Variants in BICC1 observed in about 807,000 individuals in gnomAD.
BICC1 encodes BicC family RNA binding protein 1.
Under a neutral mutation model 111.0 loss-of-function variants are expected in BICC1, and 43 were observed. The ratio of observed to expected loss-of-function variants is 0.39; its 90% CI spans 0.30 to 0.50. BICC1 has a LOEUF of 0.50. BICC1 is among the 20% of genes least tolerant of loss of function. BICC1 has a pLI of 0.88. For missense variants in BICC1, 1,091 were observed against 1,203.2 expected (o/e 0.91, Z 1.38); for synonymous variants, 467 against 434.4 (o/e 1.07, Z -0.93).
At chr10:58,814,043 T>C (rs776774969) in intron 18 of BICC1, 57 bp downstream of exon 18, 1 of 1,597,138 alleles carries the variant, frequency 6.3e-7, no homozygotes, top group East Asian at 2.2e-5. Flanking sequence ...ATGTGTTTAT[T>C]TGGGTTGGAG....
intron 2 of BICC1, among the ~76,000 whole-genome samples, chr10:58,654,329 C>A (rs1046141734): frequency 1.3e-5 from 1 of 79,270 alleles, no homozygotes; most frequent in African/African-American, 4.8e-5. Flanking sequence ...TTCTCCACAT[C>A]CTCTCCAGCA....
intron 2 of BICC1, among the ~76,000 whole-genome samples, chr10:58,698,166 C>T (rs980252346): frequency 6.6e-6 from 1 of 152,102 alleles, no homozygotes; most frequent in African/African-American, 2.4e-5. Context: ...TAGGGAGTGT[C>T]AGTTAAGCAC....
At chr10:58,553,906 T>G (rs1280897372) in intron 1 of BICC1, among the ~76,000 whole-genome samples, 2 of 152,070 alleles carry the variant, frequency 1.3e-5, no homozygotes, top group Admixed American at 1.3e-4. Context: ...ACTCTTCATG[T>G]GTTAAGAGTC....
intron 2 of BICC1, among the ~76,000 whole-genome samples, chr10:58,649,128 A>G (rs771854457): frequency 1.1e-4 from 17 of 152,224 alleles, no homozygotes; most frequent in Non-Finnish European, 2.4e-4. Context: ...GGAAATGGGT[A>G]GGCCCCATAA....
At chr10:58,543,902 A>G (rs867737181) in intron 1 of BICC1, among the ~76,000 whole-genome samples, 2 of 151,274 alleles carry the variant, frequency 1.3e-5, no homozygotes, top group Non-Finnish European at 1.5e-5. Context: ...AATTTGCCTT[A>G]GGTAAACCTT....
At chr10:58,786,226 C>T (rs1469788989) in intron 4 of BICC1, among the ~76,000 whole-genome samples, 1 of 152,042 alleles carries the variant, frequency 6.6e-6, no homozygotes, top group Non-Finnish European at 1.5e-5. Context: ...GCACTAAATT[C>T]CTCAAATATA....
At chr10:58,681,708 G>A (rs1413651538) in intron 2 of BICC1, among the ~76,000 whole-genome samples, 3 of 151,970 alleles carry the variant, frequency 2.0e-5, no homozygotes, top group South Asian at 2.1e-4. Flanking sequence ...GTGGACCCTC[G>A]CGGTGAGTGT....
At chr10:58,670,845 CCATACT>C (rs1839161857) in intron 2 of BICC1, among the ~76,000 whole-genome samples, 1 of 152,052 alleles carries the variant, frequency 6.6e-6, no homozygotes, top group Admixed American at 6.6e-5. Context: ...TACAATGTAA[CCATACT>C]CATTAATAAA....
intron 2 of BICC1, among the ~76,000 whole-genome samples, chr10:58,681,629 T>A (rs1029733750): frequency 6.6e-6 from 1 of 152,176 alleles, no homozygotes; most frequent in African/African-American, 2.4e-5. Flanking sequence ...AAATACCATT[T>A]GACTCAGTGT....
At chr10:58,525,040 G>A (rs917326463) in intron 1 of BICC1, among the ~76,000 whole-genome samples, 35 of 147,786 alleles carry the variant, frequency 2.4e-4, no homozygotes, top group African/African-American at 6.9e-4. Flanking sequence ...TAGAATGGCA[G>A]TCATTAAAAA....
At chr10:58,540,434 C>G (rs983738007) in intron 1 of BICC1, among the ~76,000 whole-genome samples, 1 of 151,830 alleles carries the variant, frequency 6.6e-6, no homozygotes, top group African/African-American at 2.4e-5. Flanking sequence ...AAAGAAGAGA[C>G]ATTACAACTG....
chr10:58,778,704 C>G (rs1045544403), intron 3 of BICC1, among the ~76,000 whole-genome samples: 7 of 152,150 alleles, frequency 4.6e-5, no homozygotes, highest in Non-Finnish European at 8.8e-5. Flanking sequence ...CAAGGGTCAA[C>G]TGTATTTAGT....
intron 1 of BICC1, among the ~76,000 whole-genome samples, chr10:58,597,309 A>G (rs943914997): frequency 3.3e-5 from 5 of 152,108 alleles, no homozygotes; most frequent in African/African-American, 1.2e-4. Context: ...GGGAGTAGGT[A>G]CAAAGATCAC....
intron 1 of BICC1, among the ~76,000 whole-genome samples, chr10:58,614,171 A>G (rs1489339414): frequency 1.3e-5 from 2 of 152,254 alleles, no homozygotes; most frequent in East Asian, 3.9e-4. Flanking sequence ...GAAGACTTTT[A>G]GTGAAATGTC....
chr10:58,570,643 C>T (rs1375406033), intron 1 of BICC1, among the ~76,000 whole-genome samples: 1 of 152,146 alleles, frequency 6.6e-6, no homozygotes, highest in Non-Finnish European at 1.5e-5. Flanking sequence ...TTTCCCTTAA[C>T]TTTCTAGTCA....
At chr10:58,527,266 G>A (rs1358807873) in intron 1 of BICC1, among the ~76,000 whole-genome samples, 1 of 151,750 alleles carries the variant, frequency 6.6e-6, no homozygotes, top group Non-Finnish European at 1.5e-5. Context: ...ACTTTTTGAT[G>A]GGGTTGATTT....
intron 2 of BICC1, among the ~76,000 whole-genome samples, chr10:58,631,275 C>A (rs1024156482): frequency 6.6e-6 from 1 of 152,050 alleles, no homozygotes; most frequent in Non-Finnish European, 1.5e-5. Flanking sequence ...TACTCTATGC[C>A]TCTCTAAGTA....
At chr10:58,718,771 C>T (rs61874132) in intron 3 of BICC1, among the ~76,000 whole-genome samples, 141,453 of 148,632 alleles carry the variant, frequency 0.95, 67,275 homozygotes, top group Non-Finnish European at 0.99. Flanking sequence ...TGTGTGCGCG[C>T]GCGCGTGCGC....
chr10:58,599,477 A>G (rs182132189), intron 1 of BICC1, among the ~76,000 whole-genome samples: 3 of 152,242 alleles, frequency 2.0e-5, no homozygotes, highest in East Asian at 3.9e-4. Context: ...AGGGAGGGGA[A>G]CATCACACAC....
Sources: gnomAD v4.1 joint callset for allele counts (sites outside exome capture counted in the v4.1 genomes callset) on GRCh38, gnomAD v4.1.1 for gene constraint, MANE v1.5 for transcripts, NCBI Gene and HGNC (gene_info 2026-07-23, HGNC 2026-07-21) for gene names.